Variants in RELN observed in about 807,000 individuals in gnomAD.
The protein encoded by RELN is reelin.
RELN carries 108 observed loss-of-function variants against 427.6 expected under a neutral mutation model. The observed-to-expected ratio is 0.25, with a 90% confidence interval of 0.22 to 0.30. RELN has a LOEUF of 0.30. RELN is among the 10% of genes least tolerant of loss of function. The probability of loss-of-function intolerance (pLI) is 1.00; values close to 1 mark genes in which losing one functional copy is unlikely to be tolerated. For synonymous variants in RELN, 1,524 were observed against 1,513.4 expected, an observed-to-expected ratio of 1.01 and a Z score of -0.16; for missense variants, 3,715 against 4,302.8, an observed-to-expected ratio of 0.86 and a Z score of 3.82.
chr7:103,742,559 A>C (rs1790693764), intron 6 of RELN, among the ~76,000 whole-genome samples: 1 of 152,236 alleles, frequency 6.6e-6, no homozygotes, highest in Non-Finnish European at 1.5e-5. Flanking sequence ...ACCAATGCAG[A>C]GAAGTCCTTA....
At chr7:103,747,147 G>C (rs1370912107) in intron 6 of RELN, among the ~76,000 whole-genome samples, 1 of 151,742 alleles carries the variant, frequency 6.6e-6, no homozygotes, top group Non-Finnish European at 1.5e-5. Context: ...ATCATTCTCA[G>C]CAAACTATCG....
chr7:103,588,732 A>G (rs1313172985), intron 28 of RELN, among the ~76,000 whole-genome samples: 2 of 152,214 alleles, frequency 1.3e-5, no homozygotes, highest in Non-Finnish European at 2.9e-5. Flanking sequence ...GACCACAACC[A>G]GTCTCCAAAT....
chr7:103,876,026 G>T (rs531277120), intron 2 of RELN, among the ~76,000 whole-genome samples: 1 of 152,100 alleles, frequency 6.6e-6, no homozygotes, highest in South Asian at 2.1e-4. Flanking sequence ...ATAAAAACAG[G>T]AATTCCCAAG....
At chr7:103,717,827 G>A (rs961300476) in intron 8 of RELN, among the ~76,000 whole-genome samples, 8 of 152,136 alleles carry the variant, frequency 5.3e-5, no homozygotes, top group South Asian at 2.1e-4. Context: ...CAGTAAGTTC[G>A]TGGAGGAAAT....
Position 103,652,767 on chromosome 7 carries a change from A to G in RELN, c.1555-8T>C. 6.2e-7 allele frequency: 1 copy of G among 1,611,760 alleles called. No individual in the cohort carries two copies. Among genetic ancestry groups the G allele is most frequent in the East Asian group, 2.2e-5 (1 of 44,756 alleles). ...AGAAACCAAAGACGGAACCTTTCAA[A>G]CAAAGGAGACCAGAATCACTCAAAA... On this transcript the variant is annotated splice_region_variant and splice_polypyrimidine_tract_variant and intron_variant, in intron 13 of 64. Coordinates refer to ENST00000428762, the MANE Select transcript of RELN (RefSeq NM_005045.4).
chr7:103,641,161 T>C (rs1832686853), intron 16 of RELN, among the ~76,000 whole-genome samples: 1 of 152,314 alleles, frequency 6.6e-6, no homozygotes, highest in African/African-American at 2.4e-5. Context: ...CAGACTCCAA[T>C]ACACTTAAAT....
At chr7:103,483,228 A>G (rs1828304185) in intron 62 of RELN, among the ~76,000 whole-genome samples, 1 of 152,198 alleles carries the variant, frequency 6.6e-6, no homozygotes, top group African/African-American at 2.4e-5. Flanking sequence ...TATTTGGTCA[A>G]GCATGGAGTG....
intron 36 of RELN, among the ~76,000 whole-genome samples, chr7:103,559,353 A>T (rs1301914179): frequency 6.6e-6 from 1 of 152,218 alleles, no homozygotes; most frequent in Admixed American, 6.5e-5. Context: ...ATGAAAACGC[A>T]ACTGCATTTA....
chr7:103,944,119 C>T (rs190336575), intron 1 of RELN, among the ~76,000 whole-genome samples: 8 of 151,892 alleles, frequency 5.3e-5, no homozygotes, highest in East Asian at 1.9e-4. Context: ...TTACTGCAGG[C>T]GAATGGAGAA....
chr7:103,494,923 G>A (rs1403009875), intron 57 of RELN, among the ~76,000 whole-genome samples: 1 of 152,008 alleles, frequency 6.6e-6, no homozygotes, highest in African/African-American at 2.4e-5. Context: ...GCACATAATA[G>A]GCATGGAGTA....
rs1368891708 is a variant in RELN at position 103,613,430 on chromosome 7, C to T, written c.2703-1627G>A. ...GTTATGTGTTTGGATCCACAGGATG[C>T]AATCTGGAAAATATCAAGCTGTAGA... On this transcript the variant is annotated intron_variant, in intron 20 of 64. Coordinates refer to ENST00000428762, the MANE Select transcript of RELN (RefSeq NM_005045.4). Among the ~76,000 whole-genome samples the T allele has an allele frequency of 2.0e-5, 3 of 151,936 alleles. No individual in the cohort carries two copies. The East Asian group carries it at 5.8e-4, about 29-fold the overall frequency.
intron 1 of RELN, among the ~76,000 whole-genome samples, chr7:103,983,422 T>A (rs958469066): frequency 6.6e-6 from 1 of 152,164 alleles, no homozygotes; most frequent in Admixed American, 6.5e-5. Context: ...GACACCAAAG[T>A]GAGATCATGT....
intron 7 of RELN, among the ~76,000 whole-genome samples, chr7:103,726,637 T>C (rs1359416419): frequency 6.6e-6 from 1 of 152,094 alleles, no homozygotes; most frequent in African/African-American, 2.4e-5. Flanking sequence ...TCTTAGATAT[T>C]TTTATTTCCT....
intron 1 of RELN, among the ~76,000 whole-genome samples, chr7:103,939,096 G>A (rs1043222050): frequency 2.0e-5 from 3 of 151,964 alleles, no homozygotes; most frequent in Non-Finnish European, 4.4e-5. Context: ...ACAGGCACCC[G>A]CCACCACGCC....
intron 3 of RELN, among the ~76,000 whole-genome samples, chr7:103,813,186 C>A (rs758425053): frequency 6.6e-6 from 1 of 152,080 alleles, no homozygotes; most frequent in African/African-American, 2.4e-5. Flanking sequence ...TAATACATGG[C>A]CAATTGTCTT....
intron 1 of RELN, among the ~76,000 whole-genome samples, chr7:103,920,566 G>GTTTTTTTTTTT (rs1563092030): frequency 1.7e-5 from 2 of 114,688 alleles, no homozygotes; most frequent in African/African-American, 9.3e-5. Context: ...ACCAGTCTTT[G>GTTTTTTTTTTT]GTTTTTTTTT....
At chr7:103,682,389 C>T in intron 10 of RELN, 128 bp from the exon 11 acceptor site, 1 of 942,754 alleles carries the variant, frequency 1.1e-6, no homozygotes, top group Non-Finnish European at 1.7e-6. Flanking sequence ...ACTCTCAAAT[C>T]AAAAGAGCTT....
intron 1 of RELN, among the ~76,000 whole-genome samples, chr7:103,963,833 T>C (rs974042191): frequency 6.6e-6 from 1 of 152,158 alleles, no homozygotes; most frequent in Non-Finnish European, 1.5e-5. Context: ...GTTACACTAA[T>C]ATCACAAGTT....
At chr7:103,792,779 G>T (rs375387559) in intron 3 of RELN, among the ~76,000 whole-genome samples, 1 of 151,756 alleles carries the variant, frequency 6.6e-6, no homozygotes. Context: ...AAATTTTATG[G>T]GAAGTGAATT....
Sources: gnomAD v4.1 joint callset for allele counts (sites outside exome capture counted in the v4.1 genomes callset) on GRCh38, gnomAD v4.1.1 for gene constraint, MANE v1.5 for transcripts, NCBI Gene and HGNC (gene_info 2026-07-23, HGNC 2026-07-21) for gene names.